The following SAMHD1 variants were observed in gnomAD, a reference collection of about 807,000 sequenced individuals.
The protein encoded by SAMHD1 is deoxynucleoside triphosphate triphosphohydrolase SAMHD1.
A neutral mutation model predicts 79.6 loss-of-function variants in SAMHD1; 54 were observed. The observed-to-expected ratio is 0.68, with a 90% CI of 0.55 to 0.85. SAMHD1 has a LOEUF of 0.85. Among genes scored for constraint, SAMHD1 ranks in the 40% least tolerant of loss-of-function variants. SAMHD1 has a pLI of 0.00. For missense variants in SAMHD1, 663 were observed against 782.7 expected (o/e 0.85, Z 1.82); for synonymous variants, 260 against 264.1 (o/e 0.98, Z 0.15).
chr20:36,900,111 G>T (rs540799610), intron 13 of SAMHD1, among the ~76,000 whole-genome samples: 13 of 149,046 alleles, frequency 8.7e-5, no homozygotes, highest in African/African-American at 3.2e-4. Flanking sequence ...AAAAAAAAAT[G>T]TAAGAGAAGG....
At chr20:36,923,730 G>T (rs559559474) in intron 6 of SAMHD1, among the ~76,000 whole-genome samples, 1 of 152,248 alleles carries the variant, frequency 6.6e-6, no homozygotes, top group Admixed American at 6.5e-5. Flanking sequence ...TGGAAGGATC[G>T]CTTGAGTCTG....
In SAMHD1 at chr20:36,903,991, TG is replaced by T. The variant is rs2063391133; in HGVS notation, c.1503+165del. 9 of 602,414 alleles carry T rather than the reference TG, an allele frequency of 1.5e-5. No individual in the cohort carries two copies. In the East Asian group the frequency reaches 2.3e-4, roughly 15 times the overall value. The allele number at this position is 602,414 out of a possible 1,614,324, so 37.3% of individuals were successfully genotyped here. On this transcript the variant is annotated intron_variant, in intron 13 of 15. Transcript: ENST00000646673. ...TATTAAAAATAATGGCAAAACATCA[TG>T]AACAAAATGTTTTTGTGGTTAATAA... is the stretch of plus-strand genomic sequence containing the variant.
At chr20:36,913,426 A>T (rs974701225) in intron 9 of SAMHD1, among the ~76,000 whole-genome samples, 1 of 151,576 alleles carries the variant, frequency 6.6e-6, no homozygotes, top group African/African-American at 2.4e-5. Context: ...CAACATGGTG[A>T]AACCCTGTCT....
intron 13 of SAMHD1, among the ~76,000 whole-genome samples, chr20:36,902,749 T>A (rs1990328066): frequency 6.6e-6 from 1 of 152,072 alleles, no homozygotes; most frequent in South Asian, 2.1e-4. Flanking sequence ...GATACTTTTT[T>A]TTTTTTGAGA....
intron 2 of SAMHD1, among the ~76,000 whole-genome samples, chr20:36,943,940 TG>T (rs997548894): frequency 2.6e-4 from 39 of 151,714 alleles, no homozygotes; most frequent in African/African-American, 9.4e-4. Flanking sequence ...TAGCCGGGCA[TG>T]GTGGCACACA....
At chr20:36,949,965 T>G (rs1343223844) in intron 1 of SAMHD1, among the ~76,000 whole-genome samples, 6 of 151,558 alleles carry the variant, frequency 4.0e-5, no homozygotes, top group African/African-American at 1.2e-4. Flanking sequence ...ATTCCACTGC[T>G]TTAGTGCCTG....
At chr20:36,914,960 T>G (rs1465470740) in intron 9 of SAMHD1, among the ~76,000 whole-genome samples, 4 of 152,002 alleles carry the variant, frequency 2.6e-5, no homozygotes, top group African/African-American at 9.7e-5. Context: ...TGCAGTGATC[T>G]GAGATCGCAC....
At chr20:36,912,751 AT>A (rs66970329) in intron 9 of SAMHD1, among the ~76,000 whole-genome samples, 199 bp from the exon 10 acceptor site, 2,643 of 106,930 alleles carry the variant, frequency 0.025, 35 homozygotes, top group Non-Finnish European at 0.031. Context: ...TGCAACTTTC[AT>A]TTTTTTTTTT....
At position 36,893,007 on chromosome 20, in the gene SAMHD1, A is replaced by G; in HGVS notation, c.1806T>C (p.Thr602=). The G allele has an allele frequency of 6.2e-7, 1 of 1,614,086 alleles. No homozygotes were observed. Among genetic ancestry groups the G allele is most frequent in the Non-Finnish European group, 8.5e-7 (1 of 1,180,016 alleles). The change falls in exon 16 of 16, where the codon ACT becomes ACC. Residue 602 remains threonine (T), a synonymous_variant. Transcript: ENST00000646673. Reference sequence around the variant, plus strand: ...GGAGGCGAGTTGGATTTTGGACTGAAGTACTGTCGTTCCATTCCTTTTTTT... The same window carrying G: ...GGAGGCGAGTTGGATTTTGGACTGAGGTACTGTCGTTCCATTCCTTTTTTT... ...TPQKKEWNDS[T]SVQNPTRLRE... is the part of the protein sequence containing the mutation.
At chr20:36,915,579 A>T (rs1319721384) in intron 9 of SAMHD1, among the ~76,000 whole-genome samples, 2 of 152,026 alleles carry the variant, frequency 1.3e-5, no homozygotes, top group Admixed American at 6.6e-5. Context: ...TCCACTAAAA[A>T]GACAAAAATT....
At chr20:36,913,106 C>T (rs2063455283) in intron 9 of SAMHD1, among the ~76,000 whole-genome samples, 1 of 149,092 alleles carries the variant, frequency 6.7e-6, no homozygotes, top group Non-Finnish European at 1.5e-5. Flanking sequence ...ATGCCATTCT[C>T]CCGCCTCAGT....
chr20:36,912,849 ACAT>A (rs1189533091), intron 9 of SAMHD1, among the ~76,000 whole-genome samples: 1 of 131,660 alleles, frequency 7.6e-6, no homozygotes, highest in Non-Finnish European at 1.5e-5. Context: ...TGCTGGGATA[ACAT>A]GCATCAGCCA....
At chr20:36,943,132 G>A (rs1265766358) in intron 2 of SAMHD1, among the ~76,000 whole-genome samples, 1 of 152,108 alleles carries the variant, frequency 6.6e-6, no homozygotes, top group Non-Finnish European at 1.5e-5. Flanking sequence ...GGTCTAGGGA[G>A]GGTAAAATAG....
chr20:36,944,077 C>CAAAAAAAAA (rs542947370), intron 2 of SAMHD1, among the ~76,000 whole-genome samples: 13 of 89,992 alleles, frequency 1.4e-4, no homozygotes, highest in African/African-American at 4.5e-4. Flanking sequence ...GACTCCATCT[C>CAAAAAAAAA]AAAAAAAAAA....
At chr20:36,895,006 A>T (rs918053746) in intron 15 of SAMHD1, among the ~76,000 whole-genome samples, 1 of 151,898 alleles carries the variant, frequency 6.6e-6, no homozygotes, top group African/African-American at 2.4e-5. Flanking sequence ...CCAAAGTGCT[A>T]GGATTACAGA....
At chr20:36,951,302 C>T (rs942126241) in intron 1 of SAMHD1, 134 bp downstream of exon 1, 1 of 1,282,084 alleles carries the variant, frequency 7.8e-7, no homozygotes, top group Non-Finnish European at 1.1e-6. Flanking sequence ...AGCGCAGGTC[C>T]GCCCTCCCGG....
At chr20:36,938,633 G>A (rs1211858732) in intron 3 of SAMHD1, among the ~76,000 whole-genome samples, 2 of 151,488 alleles carry the variant, frequency 1.3e-5, no homozygotes, top group Admixed American at 6.6e-5. Flanking sequence ...TCAGGAGATC[G>A]AGACCATCCT....
chr20:36,926,480 GT>G (rs1190667401), intron 6 of SAMHD1, among the ~76,000 whole-genome samples: 3 of 151,982 alleles, frequency 2.0e-5, no homozygotes, highest in Non-Finnish European at 2.9e-5. Context: ...AGATGAAAAT[GT>G]TCTATATCCT....
Position 36,911,289 on chromosome 20 carries a change from G to A in SAMHD1, c.1199C>T (p.Thr400Ile), listed in dbSNP as rs759140727. 6 of 1,612,828 alleles carry A rather than the reference G, an allele frequency of 3.7e-6. No homozygotes were observed. The highest frequency in any genetic ancestry group is 5.1e-6 in the Non-Finnish European group (6 of 1,179,834). Reference sequence around the variant, plus strand: ...GCGATACTTTTTTCCTCCAGCACCTGTAATCTCTATGTAGTCATCTGCTTT... The same window carrying A: ...GCGATACTTTTTTCCTCCAGCACCTATAATCTCTATGTAGTCATCTGCTTT... ...FLKADDYIEI[T>I]GAGGKKYRIS... Residue 400 changes from threonine (T) to isoleucine (I), a missense_variant, in exon 11 of 16, where the codon ACA becomes ATA. By Grantham distance (89) the Thr-to-Ile change is moderately conservative. Transcript: ENST00000646673.
Sources: gnomAD v4.1 joint callset for allele counts (sites outside exome capture counted in the v4.1 genomes callset) on GRCh38, gnomAD v4.1.1 for gene constraint, MANE v1.5 for transcripts, NCBI Gene and HGNC (gene_info 2026-07-23, HGNC 2026-07-21) for gene names.